LAMA2: variants seen among roughly 807,000 people sequenced by gnomAD.
LAMA2 encodes the protein laminin subunit alpha-2.
LAMA2 carries 269 observed loss-of-function variants against 364.8 expected under a neutral mutation model. The ratio of observed to expected loss-of-function variants is 0.74; its 90% CI spans 0.67 to 0.82. The LOEUF (loss-of-function observed/expected upper bound fraction) is 0.82, where lower values mean the gene tolerates loss of function less well. LAMA2 is among the 40% of genes least tolerant of loss of function. The probability of loss-of-function intolerance (pLI) is 0.00; values close to 1 mark genes in which losing one functional copy is unlikely to be tolerated. For missense variants in LAMA2, 3,807 were observed against 3,873.2 expected, an observed-to-expected ratio of 0.98 and a Z score of 0.45; for synonymous variants, 1,379 against 1,370.6, an observed-to-expected ratio of 1.01 and a Z score of -0.14.
intron 3 of LAMA2, among the ~76,000 whole-genome samples, chr6:129,070,155 T>C (rs1008883498): frequency 2.0e-5 from 3 of 152,108 alleles, no homozygotes; most frequent in Admixed American, 2.0e-4. Flanking sequence ...TTCAATTTGG[T>C]CTAGTGTAAA....
rs983093544 is a variant in LAMA2 at position 128,883,160 on chromosome 6, C to T, written c.-86C>T. ...CTCCTCTTCCCCAGCAGCTGCTGCT[C>T]GCTCAGCTCACAAGCCAAGGCCAGG... On this transcript the variant is annotated 5_prime_UTR_variant, in exon 1 of 65. Transcript: ENST00000421865. 1.1e-5 allele frequency: 14 copies of T among 1,315,964 alleles called. No homozygotes were observed. The African/African-American group carries it at 1.9e-4, about 18-fold the overall frequency. 81.5% of individuals were successfully genotyped at this position (1,315,964 alleles called of 1,614,324 possible). A position where few individuals can be genotyped will look rare whatever the true frequency, so the allele number is the denominator to read the frequency against.
intron 28 of LAMA2, among the ~76,000 whole-genome samples, chr6:129,322,001 T>C (rs755737792): frequency 6.6e-6 from 1 of 152,216 alleles, no homozygotes; most frequent in East Asian, 1.9e-4. Context: ...TTGATTTAAA[T>C]GGAAACGTAT....
intron 48 of LAMA2, among the ~76,000 whole-genome samples, chr6:129,458,247 G>A (rs1026655575): frequency 3.9e-4 from 59 of 152,026 alleles, no homozygotes; most frequent in African/African-American, 1.3e-3. Flanking sequence ...CATAGAGTGT[G>A]TGTATAAAAT....
At chr6:129,409,133 C>G (rs1490584365) in intron 40 of LAMA2, among the ~76,000 whole-genome samples, 1 of 152,168 alleles carries the variant, frequency 6.6e-6, no homozygotes, top group South Asian at 2.1e-4. Context: ...AACCAGGTGC[C>G]CTGCTCAAAA....
chr6:129,383,466 G>C (rs1486643519), intron 35 of LAMA2, among the ~76,000 whole-genome samples: 3 of 152,190 alleles, frequency 2.0e-5, no homozygotes, highest in Admixed American at 6.6e-5. Flanking sequence ...CAGAATAGCA[G>C]TAAATTCTTG....
chr6:129,136,040 A>C (rs1287797047), intron 4 of LAMA2, among the ~76,000 whole-genome samples: 1 of 152,008 alleles, frequency 6.6e-6, no homozygotes, highest in East Asian at 1.9e-4. Flanking sequence ...GAAAAAAAAA[A>C]GTGAGAGGGA....
At chr6:129,205,459 C>T in intron 12 of LAMA2, among the ~76,000 whole-genome samples, 1 of 137,070 alleles carries the variant, frequency 7.3e-6, no homozygotes, top group African/African-American at 3.0e-5. Context: ...TACTTCTCTT[C>T]TGGGAATTTA....
At chr6:129,016,786 TATG>T (rs1031188283) in intron 1 of LAMA2, among the ~76,000 whole-genome samples, 1 of 151,822 alleles carries the variant, frequency 6.6e-6, no homozygotes, top group African/African-American at 2.4e-5. Flanking sequence ...ATACTGATAA[TATG>T]ATCATACATT....
chr6:129,025,575 G>A (rs1785754403), intron 1 of LAMA2, among the ~76,000 whole-genome samples: 1 of 152,104 alleles, frequency 6.6e-6, no homozygotes, highest in African/African-American at 2.4e-5. Flanking sequence ...GGTCCGTGGA[G>A]AAAAGAGACA....
intron 8 of LAMA2, among the ~76,000 whole-genome samples, chr6:129,161,097 G>A (rs1779416568): frequency 6.6e-6 from 1 of 151,854 alleles, no homozygotes; most frequent in African/African-American, 2.4e-5. Flanking sequence ...TGAATCTTTA[G>A]ATTTTTATAT....
At chr6:129,425,641 G>A (rs537587415) in intron 40 of LAMA2, among the ~76,000 whole-genome samples, 3 of 152,006 alleles carry the variant, frequency 2.0e-5, no homozygotes, top group South Asian at 2.1e-4. Flanking sequence ...GTGTCCATAT[G>A]TTCTCATCAT....
chr6:129,371,246 GATGTGT>G (rs1778055866), intron 34 of LAMA2, among the ~76,000 whole-genome samples: 1 of 93,436 alleles, frequency 1.1e-5, no homozygotes, highest in Non-Finnish European at 2.4e-5. Context: ...AGAACTTTGA[GATGTGT>G]GTGTGTGTGT....
intron 40 of LAMA2, among the ~76,000 whole-genome samples, chr6:129,404,903 T>G (rs1055078261): frequency 1.3e-5 from 2 of 152,050 alleles, no homozygotes; most frequent in African/African-American, 4.8e-5. Flanking sequence ...TCTTAGCAGG[T>G]TCATTTTGTG....
intron 9 of LAMA2, among the ~76,000 whole-genome samples, chr6:129,177,053 C>T (rs1477749656): frequency 1.3e-5 from 2 of 151,966 alleles, no homozygotes; most frequent in Non-Finnish European, 2.9e-5. Flanking sequence ...TAGTTGTATT[C>T]ATTCATCCTG....
intron 37 of LAMA2, among the ~76,000 whole-genome samples, chr6:129,399,270 A>T (rs1779828721): frequency 6.6e-6 from 1 of 152,218 alleles, no homozygotes; most frequent in Non-Finnish European, 1.5e-5. Flanking sequence ...AATAGTTAAA[A>T]TTACAGTGTT....
At chr6:129,324,087 G>T (rs1775127161) in intron 28 of LAMA2, among the ~76,000 whole-genome samples, 2 of 152,156 alleles carry the variant, frequency 1.3e-5, no homozygotes, top group African/African-American at 4.8e-5. Context: ...GAGACCCAAA[G>T]TCTCTGTTTT....
At chr6:129,356,506 G>A (rs531375682) in intron 32 of LAMA2, among the ~76,000 whole-genome samples, 161 of 152,150 alleles carry the variant, frequency 1.1e-3, no homozygotes, top group Middle Eastern at 6.8e-3. Flanking sequence ...CCCACTGTGT[G>A]ATAAGAGAAC....
intron 1 of LAMA2, among the ~76,000 whole-genome samples, chr6:128,893,141 A>G (rs953145840): frequency 2.0e-5 from 3 of 151,958 alleles, no homozygotes; most frequent in Admixed American, 1.3e-4. Flanking sequence ...ATTACCTTAA[A>G]CATGGATAAG....
intron 1 of LAMA2, among the ~76,000 whole-genome samples, chr6:128,908,238 G>T (rs1199530386): frequency 6.6e-6 from 1 of 150,802 alleles, no homozygotes; most frequent in Non-Finnish European, 1.5e-5. Flanking sequence ...ACCTCTGGTA[G>T]AATTCGGCTG....
Sources: gnomAD v4.1 joint callset for allele counts (sites outside exome capture counted in the v4.1 genomes callset) on GRCh38, gnomAD v4.1.1 for gene constraint, MANE v1.5 for transcripts, NCBI Gene and HGNC (gene_info 2026-07-23, HGNC 2026-07-21) for gene names.